Variants in AIMP2 observed in about 807,000 individuals in gnomAD.
The protein encoded by AIMP2 is aminoacyl tRNA synthetase complex interacting multifunctional protein 2.
AIMP2 carries 20 observed loss-of-function variants against 23.4 expected under a neutral mutation model. The ratio of observed to expected loss-of-function variants is 0.85; its 90% CI spans 0.60 to 1.24. The LOEUF is 1.24. Ranked by LOEUF, AIMP2 falls within the 50% of genes most tolerant of loss-of-function variation. The pLI is 0.00. For missense variants in AIMP2, 515 were observed against 414.5 expected (o/e 1.24, Z -2.10); for synonymous variants, 210 against 170.4 (o/e 1.23, Z -1.81).
chr7:6,013,505 C>A (rs1032939296), intron 1 of AIMP2, among the ~76,000 whole-genome samples: 3 of 152,068 alleles, frequency 2.0e-5, no homozygotes, highest in African/African-American at 7.2e-5. Flanking sequence ...AGGTGATCTG[C>A]CCCTCTCGGC....
Position 6,009,433 on chromosome 7 carries a change from A to T in AIMP2, c.70A>T (p.Met24Leu). 6.2e-7 allele frequency: 1 copy of T among 1,611,242 alleles called. No homozygotes were observed. The highest frequency in any genetic ancestry group is 2.2e-5 in the East Asian group (1 of 44,820). ...APLRVELPTCMYRLPNVHGRS... is the reference protein window; with the variant it reads ...APLRVELPTCLYRLPNVHGRS... ...TCTCCGTGTGGAGCTTCCCACCTGC[A>T]TGTACCGGCTCCCCAACGTGCACGG... The change falls in exon 1 of 4, where the codon ATG (methionine) becomes TTG (leucine). Residue 24 changes from methionine (M) to leucine (L), a missense_variant. By Grantham distance (15) the Met-to-Leu change is conservative. Coordinates refer to ENST00000223029, the MANE Select transcript of AIMP2 (RefSeq NM_006303.4).
intron 1 of AIMP2, chr7:6,013,100 C>T: frequency 2.0e-6 from 1 of 510,036 alleles, no homozygotes; most frequent in Non-Finnish European, 2.5e-6. Flanking sequence ...ACTCCTCGGA[C>T]AGTGTGGCTA....
At position 6,018,064 on chromosome 7, in the gene AIMP2, G is replaced by A. The variant is rs376625331; in HGVS notation, c.574+19G>A. 4.4e-6 allele frequency: 7 copies of A among 1,591,374 alleles called. No individual in the cohort carries two copies. Among genetic ancestry groups the A allele is most frequent in the African/African-American group, 4.0e-5 (3 of 74,410 alleles). ...AAGAATGGTAAGTAGACGGGACTGAGTTCAACTTACACACAGCTGCCCCTT... is the reference window on the plus strand; with the variant it reads ...AAGAATGGTAAGTAGACGGGACTGAATTCAACTTACACACAGCTGCCCCTT... On this transcript the variant is annotated intron_variant, in intron 3 of 3. Coordinates refer to ENST00000223029, the MANE Select transcript of AIMP2 (RefSeq NM_006303.4).
Position 6,009,483 on chromosome 7 carries a change from C to T in AIMP2, c.120C>T (p.Gly40=), listed in dbSNP as rs771332190. 9 of 1,573,516 alleles carry T rather than the reference C, an allele frequency of 5.7e-6. No individual in the cohort carries two copies. In the East Asian group the frequency reaches 7.1e-5, roughly 12 times the overall value. Residue 40 remains glycine, a synonymous_variant, in exon 1 of 4, where the codon GGC becomes GGT. Coordinates refer to ENST00000223029, the MANE Select transcript of AIMP2 (RefSeq NM_006303.4). The part of the protein sequence containing the change: ...VHGRSYGPAP[G]AGHVQEESNL... ...GCAGGAGCTACGGCCCAGCGCCGGG[C>T]GCTGGCCACGTGCAGGTAGGAGCGC...
In AIMP2 at chr7:6,017,853, C is replaced by T. The variant is rs778622819; in HGVS notation, c.382C>T (p.Pro128Ser). 1 of 1,614,088 alleles carries T rather than the reference C, an allele frequency of 6.2e-7. No homozygotes were observed. Residue 128 changes from proline to serine, a missense_variant, in exon 3 of 4, where the codon CCG becomes TCG. Physicochemically the swap from Pro to Ser is moderately conservative, Grantham distance 74 (BLOSUM62 -1). Transcript: ENST00000223029. ...GAAAGACATCGTGATCAACGCAAACCCGGCCTCCCCTCCCCTCTCCCTGCT... is the reference window on the plus strand; with the variant it reads ...GAAAGACATCGTGATCAACGCAAACTCGGCCTCCCCTCCCCTCTCCCTGCT... ...ALKDIVINAN[P>S]ASPPLSLLVL...
At chr7:6,018,146 C>A in intron 3 of AIMP2, 101 bp downstream of exon 3, 21 of 589,790 alleles carry the variant, frequency 3.6e-5, no homozygotes, top group Non-Finnish European at 5.6e-5. Context: ...TTTTCTTTTT[C>A]TTTTTTTTTT....
chr7:6,010,871 G>T (rs1413246307), intron 1 of AIMP2, among the ~76,000 whole-genome samples: 1 of 150,946 alleles, frequency 6.6e-6, no homozygotes, highest in East Asian at 1.9e-4. Flanking sequence ...TGGTTATGGA[G>T]ACCCAAGGTG....
Position 6,023,581 on chromosome 7 carries a change from C to T in AIMP2, c.853C>T (p.Leu285Phe), listed in dbSNP as rs765449737. ...AGCAGACGTGGTGCTGTGGTCTGTACTCCAGCAGATCGGAGGCTGCAGTGT... is the reference window on the plus strand; with the variant it reads ...AGCAGACGTGGTGCTGTGGTCTGTATTCCAGCAGATCGGAGGCTGCAGTGT... ...TVADVVLWSVLQQIGGCSVTV... is the reference protein window; with the variant it reads ...TVADVVLWSVFQQIGGCSVTV... Residue 285 changes from leucine (L) to phenylalanine (F), a missense_variant, in exon 4 of 4, where the codon CTC becomes TTC. By Grantham distance (22) the Leu-to-Phe change is conservative. Coordinates refer to ENST00000223029, the MANE Select transcript of AIMP2 (RefSeq NM_006303.4). 4 of 1,614,236 alleles carry T rather than the reference C, an allele frequency of 2.5e-6. No homozygotes were observed. Among genetic ancestry groups the T allele is most frequent in the African/African-American group, 1.3e-5 (1 of 75,068 alleles).
intron 2 of AIMP2, among the ~76,000 whole-genome samples, chr7:6,015,689 A>G (rs908396930): frequency 6.6e-6 from 1 of 152,196 alleles, no homozygotes; most frequent in African/African-American, 2.4e-5. Context: ...GCGCCACTAC[A>G]CTCCAGCCTG....
In AIMP2 at chr7:6,009,974, A is replaced by AAAAAATATATATATAT; in HGVS notation, c.135+477_135+478insAAAATATATATATATA. Among the ~76,000 whole-genome samples, 135 of 26,494 alleles carry AAAAAATATATATATAT rather than the reference A, an allele frequency of 5.1e-3. 2 individuals carry two copies. The highest frequency in any genetic ancestry group is 7.7e-3 in the Non-Finnish European group (111 of 14,490). 17.4% of individuals were successfully genotyped at this position (26,494 alleles called of 152,430 possible). ...CAAAAAAAAAAAAAAAAAAAAAAAA[A>AAAAAATATATATATAT]ATATATATATATATATATGTATGTA... On this transcript the variant is annotated intron_variant, in intron 1 of 3. Coordinates refer to ENST00000223029, the MANE Select transcript of AIMP2 (RefSeq NM_006303.4).
chr7:6,023,654 T>C lies in AIMP2; in HGVS notation c.926T>C (p.Leu309Pro). The C allele has an allele frequency of 6.2e-7, 1 of 1,614,146 alleles. No homozygotes were observed. Among genetic ancestry groups the C allele is most frequent in the Non-Finnish European group, 8.5e-7 (1 of 1,180,018 alleles). ...AGGTGGATGAGGTCTTGTGAAAACC[T>C]GGCTCCTTTTAACACGGCCCTCAAG... ...VQRWMRSCEN[L>P]APFNTALKLL... The change falls in exon 4 of 4, where the codon CTG becomes CCG. Residue 309 changes from leucine to proline, a missense_variant. Leu to Pro is a moderately conservative substitution (Grantham distance 98). Coordinates refer to ENST00000223029, the MANE Select transcript of AIMP2 (RefSeq NM_006303.4).
intron 2 of AIMP2, among the ~76,000 whole-genome samples, chr7:6,016,195 C>T (rs1030335949): frequency 6.6e-6 from 1 of 152,180 alleles, no homozygotes; most frequent in African/African-American, 2.4e-5. Flanking sequence ...AAGTAAGTTG[C>T]ATCAGCCAGC....
intron 3 of AIMP2, 142 bp from the exon 4 acceptor site, chr7:6,023,160 CT>C: frequency 1.0e-6 from 1 of 982,404 alleles, no homozygotes; most frequent in Non-Finnish European, 1.5e-6. Context: ...TAGAGACAGA[CT>C]GAAAATGTGA....
chr7:6,020,020 CA>C (rs35319543), intron 3 of AIMP2, among the ~76,000 whole-genome samples: 189 of 80,570 alleles, frequency 2.3e-3, no homozygotes, highest in Middle Eastern at 6.4e-3. Context: ...GACTCCATCT[CA>C]AAAAAAAAAA....
Position 6,009,304 on chromosome 7 carries a change from CT to C in AIMP2, c.-59del. 1 of 1,610,970 alleles carries C rather than the reference CT, an allele frequency of 6.2e-7. No individual in the cohort carries two copies. The highest frequency in any genetic ancestry group is 8.5e-7 in the Non-Finnish European group (1 of 1,179,680). ...AGGTGGCCGGTCTCCGTCGTGACCT[CT>C]GACGGTTTCTGAGCGTTGGCCTTTG... On this transcript the variant is annotated 5_prime_UTR_variant, in exon 1 of 4. Coordinates refer to ENST00000223029, the MANE Select transcript of AIMP2 (RefSeq NM_006303.4).
At chr7:6,011,384 C>T (rs1415754329) in intron 1 of AIMP2, among the ~76,000 whole-genome samples, 1 of 152,192 alleles carries the variant, frequency 6.6e-6, no homozygotes, top group East Asian at 1.9e-4. Context: ...CTCCAGACTT[C>T]TCTAACTTGA....
chr7:6,017,850 A>G lies in AIMP2; in HGVS notation c.379A>G (p.Asn127Asp). ...GALKDIVINA[N>D]PASPPLSLLV... ...GCTGAAAGACATCGTGATCAACGCA[A>G]ACCCGGCCTCCCCTCCCCTCTCCCT... Residue 127 changes from asparagine (N) to aspartate (D), a missense_variant, in exon 3 of 4, where the codon AAC (asparagine) becomes GAC (aspartate). Physicochemically the swap from Asn to Asp is conservative, Grantham distance 23. Transcript: ENST00000223029. 1.2e-6 allele frequency: 2 copies of G among 1,614,028 alleles called. No homozygotes were observed. Among genetic ancestry groups the G allele is most frequent in the Non-Finnish European group, 1.7e-6 (2 of 1,180,000 alleles).
At chr7:6,019,259 C>G (rs1466866361) in intron 3 of AIMP2, among the ~76,000 whole-genome samples, 11 of 144,254 alleles carry the variant, frequency 7.6e-5, no homozygotes, top group Admixed American at 7.4e-4. Flanking sequence ...GCGGGCAGAT[C>G]ACGAGGTCAG....
chr7:6,023,077 A>C, intron 3 of AIMP2: 1 of 531,930 alleles, frequency 1.9e-6, no homozygotes, highest in Non-Finnish European at 3.2e-6. Context: ...GTCATAATCA[A>C]ATACCAGGAA....
Sources: allele counts gnomAD v4.1 joint callset (sites outside exome capture counted in the v4.1 genomes callset), GRCh38; gene constraint gnomAD v4.1.1; transcripts MANE v1.5; gene names NCBI Gene and HGNC (gene_info 2026-07-23, HGNC 2026-07-21).